SHISA9: variants seen among roughly 807,000 people sequenced by gnomAD.
SHISA9 encodes shisa family member 9.
Under a neutral mutation model 38.0 loss-of-function variants are expected in SHISA9, and 13 were observed. The ratio of observed to expected loss-of-function variants is 0.34; its 90% CI spans 0.22 to 0.54. SHISA9 has a LOEUF of 0.54. Among genes scored for constraint, SHISA9 ranks in the 20% least tolerant of loss-of-function variants. The pLI is 0.91. For missense variants in SHISA9, 538 were observed against 575.8 expected, an observed-to-expected ratio of 0.93 and a Z score of 0.67; for synonymous variants, 275 against 242.0, an observed-to-expected ratio of 1.14 and a Z score of -1.27.
intron 2 of SHISA9, among the ~76,000 whole-genome samples, chr16:13,197,017 G>C (rs557117923): frequency 6.6e-6 from 1 of 152,140 alleles, no homozygotes; most frequent in East Asian, 1.9e-4. Context: ...ACTTGAACCT[G>C]GGAGGTGGAG....
the SHISA9 span, among the ~76,000 whole-genome samples, chr16:13,311,445 G>A: frequency 0.1 from 15,292 of 151,718 alleles, 905 homozygotes; most frequent in South Asian, 0.23. Context: ...ACAAATATAC[G>A]TCTCAAGCCC....
intron 2 of SHISA9, among the ~76,000 whole-genome samples, chr16:12,938,520 G>A (rs2071564857): frequency 1.3e-5 from 2 of 151,140 alleles, no homozygotes; most frequent in Admixed American, 1.3e-4. Context: ...TTTTTGAGAT[G>A]GAGTTTCACT....
chr16:13,192,447 C>T lies in SHISA9; in HGVS notation c.692-10947C>T, dbSNP rs549603776. Among the ~76,000 whole-genome samples the T allele has an allele frequency of 9.1e-4, 138 of 152,060 alleles. 1 individual carries two copies. The highest frequency in any genetic ancestry group is 1.9e-3 in the Non-Finnish European group (128 of 67,982). On this transcript the variant is annotated intron_variant, in intron 2 of 4. Transcript: ENST00000558583. ...AGTAAGTGGTATAAGAGCTGGGAAT[C>T]GTTAACCAAGCACAATGCCTGGAAC...
the SHISA9 span, among the ~76,000 whole-genome samples, chr16:13,308,752 A>G: frequency 6.6e-6 from 1 of 152,216 alleles, no homozygotes; most frequent in Non-Finnish European, 1.5e-5. Context: ...AACATTTAAT[A>G]TTATAGGGAT....
intron 2 of SHISA9, among the ~76,000 whole-genome samples, chr16:13,121,791 G>A (rs2050212735): frequency 6.8e-6 from 1 of 146,260 alleles, no homozygotes; most frequent in African/African-American, 2.5e-5. Flanking sequence ...GAACACTATT[G>A]CTTTTATAAT....
the SHISA9 span, among the ~76,000 whole-genome samples, chr16:13,494,749 C>T: frequency 3.9e-5 from 6 of 151,984 alleles, no homozygotes; most frequent in Non-Finnish European, 5.9e-5. Context: ...TACAATAGAA[C>T]GCTATATTTT....
chr16:13,254,601 G>A, the SHISA9 span, among the ~76,000 whole-genome samples: 4 of 152,204 alleles, frequency 2.6e-5, no homozygotes, highest in Non-Finnish European at 4.4e-5. Context: ...CGTACAGCGG[G>A]CTGTCAGCAA....
the SHISA9 span, among the ~76,000 whole-genome samples, chr16:13,429,803 G>A: frequency 6.6e-6 from 1 of 152,146 alleles, no homozygotes; most frequent in Admixed American, 6.5e-5. Flanking sequence ...TGATGTATCA[G>A]CATATAAAGA....
rs988985382 is a variant in SHISA9 at position 13,240,194 on chromosome 16, A to C, written c.*4785A>C. The C allele has an allele frequency of 6.6e-6, 1 of 152,144 alleles. No homozygotes were observed. Among genetic ancestry groups the C allele is most frequent in the African/African-American group, 2.4e-5 (1 of 41,426 alleles). The allele number at this position is 152,144 out of a possible 1,614,324, so 9.4% of individuals were successfully genotyped here. ...TAACTCTTCCCAGTTTTTTGTGTAA[A>C]TGGAGCATATTTTATGTGCGAATAT... On this transcript the variant is annotated 3_prime_UTR_variant, in exon 5 of 5. Transcript: ENST00000558583.
intron 2 of SHISA9, among the ~76,000 whole-genome samples, chr16:12,994,918 A>G (rs2141835874): frequency 6.6e-6 from 1 of 152,300 alleles, no homozygotes; most frequent in East Asian, 1.9e-4. Context: ...AAGTGGAGAT[A>G]TCAAGTCCAC....
intron 2 of SHISA9, among the ~76,000 whole-genome samples, chr16:13,048,569 G>A (rs2073213725): frequency 6.6e-6 from 1 of 152,086 alleles, no homozygotes; most frequent in African/African-American, 2.4e-5. Context: ...TTATAGGTGT[G>A]TACCACCACA....
At chr16:13,276,906 C>T in the SHISA9 span, among the ~76,000 whole-genome samples, 1 of 151,988 alleles carries the variant, frequency 6.6e-6, no homozygotes, top group Non-Finnish European at 1.5e-5. Flanking sequence ...CATGCAAAAG[C>T]TCTTCATTTT....
At chr16:13,481,552 C>T in the SHISA9 span, among the ~76,000 whole-genome samples, 93 of 152,332 alleles carry the variant, frequency 6.1e-4, 1 homozygote, top group East Asian at 0.011. Flanking sequence ...CACATTCACA[C>T]GCTGTTTTGT....
At chr16:12,939,438 G>A (rs976825389) in intron 2 of SHISA9, among the ~76,000 whole-genome samples, 1 of 152,164 alleles carries the variant, frequency 6.6e-6, no homozygotes, top group Non-Finnish European at 1.5e-5. Flanking sequence ...CCTCCCAGAG[G>A]TTTGTTGTTG....
intron 2 of SHISA9, among the ~76,000 whole-genome samples, chr16:12,921,675 G>A (rs2071330764): frequency 1.3e-5 from 2 of 152,136 alleles, no homozygotes; most frequent in African/African-American, 4.8e-5. Context: ...GGAGGCTGAG[G>A]TGGGAGACTG....
the SHISA9 span, among the ~76,000 whole-genome samples, chr16:13,552,679 G>T: frequency 6.6e-6 from 1 of 152,136 alleles, no homozygotes; most frequent in Non-Finnish European, 1.5e-5. Flanking sequence ...ACCGGCCCAG[G>T]GGGTGGTGGA....
the SHISA9 span, among the ~76,000 whole-genome samples, chr16:13,349,429 C>G: frequency 6.6e-6 from 1 of 152,192 alleles, no homozygotes; most frequent in Non-Finnish European, 1.5e-5. Context: ...GCTGATTAAG[C>G]ACCAGCTCTC....
intron 4 of SHISA9, among the ~76,000 whole-genome samples, chr16:13,217,197 G>C (rs1027524704): frequency 6.6e-6 from 1 of 152,016 alleles, no homozygotes; most frequent in East Asian, 1.9e-4. Context: ...AGAATGGCGC[G>C]AACCCGGGAG....
intron 2 of SHISA9, among the ~76,000 whole-genome samples, chr16:12,926,808 C>A (rs2071398517): frequency 6.6e-6 from 1 of 152,180 alleles, no homozygotes; most frequent in African/African-American, 2.4e-5. Context: ...AAAAGCAGAA[C>A]ATTTTCATGG....
Sources: gnomAD v4.1 joint callset for allele counts (sites outside exome capture counted in the v4.1 genomes callset) on GRCh38, gnomAD v4.1.1 for gene constraint, MANE v1.5 for transcripts, NCBI Gene and HGNC (gene_info 2026-07-23, HGNC 2026-07-21) for gene names.